LIPK: variants seen among roughly 807,000 people sequenced by gnomAD.
LIPK encodes lipase member K.
In LIPK, 32 loss-of-function variants were observed where a neutral mutation model predicts 48.6. The ratio of observed to expected loss-of-function variants is 0.66; its 90% confidence interval spans 0.50 to 0.88. The LOEUF is 0.88. LIPK is among the 40% of genes least tolerant of loss of function. The pLI is 0.00. For missense variants in LIPK, 507 were observed against 478.5 expected, an observed-to-expected ratio of 1.06 and a Z score of -0.56; for synonymous variants, 164 against 157.4, an observed-to-expected ratio of 1.04 and a Z score of -0.32.
At chr10:88,720,044 G>A (rs186714333) in intron 1 of LIPK, among the ~76,000 whole-genome samples, 73 of 152,288 alleles carry the variant, frequency 4.8e-4, no homozygotes, top group African/African-American at 1.6e-3. Flanking sequence ...ACTGACTGCA[G>A]TAGCTAGAGG....
intron 1 of LIPK, among the ~76,000 whole-genome samples, chr10:88,717,548 C>A (rs902807369): frequency 6.6e-6 from 1 of 152,134 alleles, no homozygotes; most frequent in African/African-American, 2.4e-5. Context: ...TTCTGTTTTT[C>A]GGACTCTTTT....
At chr10:88,742,573 A>T (rs752665501) in intron 8 of LIPK, among the ~76,000 whole-genome samples, 10 of 152,236 alleles carry the variant, frequency 6.6e-5, no homozygotes, top group Non-Finnish European at 1.3e-4. Context: ...TATATGCATG[A>T]CCTTATATTC....
At chr10:88,733,038 A>G (rs1842499802) in intron 6 of LIPK, among the ~76,000 whole-genome samples, 2 of 152,246 alleles carry the variant, frequency 1.3e-5, no homozygotes, top group Admixed American at 6.5e-5. Context: ...TACCCTGAGG[A>G]CTAAGTAAAT....
intron 9 of LIPK, among the ~76,000 whole-genome samples, chr10:88,749,777 T>TGCAAA (rs1554826601): frequency 2.6e-5 from 4 of 152,076 alleles, no homozygotes; most frequent in Admixed American, 6.5e-5. Flanking sequence ...ATGCCAAAAG[T>TGCAAA]AATTGCAACA....
chr10:88,725,239 CAA>C (rs1780636457), intron 2 of LIPK, among the ~76,000 whole-genome samples: 1 of 152,176 alleles, frequency 6.6e-6, no homozygotes, highest in South Asian at 2.1e-4. Context: ...ACGAAACTGC[CAA>C]AGTTTTTTTT....
At chr10:88,714,142 T>C (rs1842073830) in intron 1 of LIPK, among the ~76,000 whole-genome samples, 1 of 152,100 alleles carries the variant, frequency 6.6e-6, no homozygotes, top group East Asian at 1.9e-4. Flanking sequence ...GTATTCAATA[T>C]GTTAGCATTA....
Position 88,737,640 on chromosome 10 carries a change from G to A in LIPK, c.675G>A (p.Leu225=), listed in dbSNP as rs1590153381. Residue 225 remains leucine, a synonymous_variant, in exon 7 of 10, where the codon TTG becomes TTA. Transcript: ENST00000404190. ...TTLSRRVVKV[L]FGDKMFHPHT... ...TGTTTTAAATTATCTTGTAGGTGTT[G>A]TTTGGTGACAAAATGTTCCACCCTC... 1 of 1,613,290 alleles carries A rather than the reference G, an allele frequency of 6.2e-7. No individual in the cohort carries two copies. The highest frequency in any genetic ancestry group is 1.7e-5 in the Admixed American group (1 of 59,940).
chr10:88,728,590 TG>T, intron 3 of LIPK: 1 of 467,220 alleles, frequency 2.1e-6, no homozygotes, highest in South Asian at 1.6e-5. Context: ...CACCGGAACC[TG>T]GAGCTGATGA....
intron 6 of LIPK, among the ~76,000 whole-genome samples, chr10:88,736,843 T>C (rs905461347): frequency 2.0e-5 from 3 of 152,238 alleles, no homozygotes; most frequent in Non-Finnish European, 4.4e-5. Flanking sequence ...TTATTACTGT[T>C]CTTTAGTTGT....
chr10:88,752,475 T>C lies in LIPK; in HGVS notation c.961-42T>C, dbSNP rs1182324747. 3 of 1,404,230 alleles carry C rather than the reference T, an allele frequency of 2.1e-6. No homozygotes were observed. In the South Asian group the frequency reaches 3.7e-5, roughly 18 times the overall value. 87.0% of individuals were successfully genotyped at this position (1,404,230 alleles called of 1,614,324 possible). On this transcript the variant is annotated intron_variant, in intron 9 of 9. Coordinates refer to ENST00000404190, the MANE Select transcript of LIPK (RefSeq NM_001080518.2). Reference sequence around the variant, plus strand: ...AGTTAATGTTACTTCTATAATGTAATATTCTGTAAAAACTTTTCTCTCTCT... The same window carrying C: ...AGTTAATGTTACTTCTATAATGTAACATTCTGTAAAAACTTTTCTCTCTCT...
intron 1 of LIPK, among the ~76,000 whole-genome samples, chr10:88,708,194 A>C (rs980844910): frequency 2.6e-5 from 4 of 152,290 alleles, no homozygotes; most frequent in African/African-American, 9.6e-5. Context: ...CTAAGAAGAC[A>C]TCTAGGACAT....
chr10:88,745,824 CAA>C (rs1051684671), intron 9 of LIPK, among the ~76,000 whole-genome samples: 1 of 152,136 alleles, frequency 6.6e-6, no homozygotes, highest in African/African-American at 2.4e-5. Flanking sequence ...ACTTAAAATG[CAA>C]AGAGTTGCAA....
rs766522724 is a variant in LIPK at position 88,752,706 on chromosome 10, G to A, written c.1150G>A (p.Glu384Lys). ...TTACCTTGGAGAGGATGCACCTCAG[G>A]AAATTTACCAAGACCTAATTATATT... ...DFYLGEDAPQEIYQDLIILME... is the reference protein window; with the variant it reads ...DFYLGEDAPQKIYQDLIILME... The change falls in exon 10 of 10, where the codon GAA (glutamate) becomes AAA (lysine). Residue 384 changes from glutamate to lysine, a missense_variant. By Grantham distance (56) the Glu-to-Lys change is moderately conservative. Coordinates refer to ENST00000404190, the MANE Select transcript of LIPK (RefSeq NM_001080518.2). 6 of 1,570,790 alleles carry A rather than the reference G, an allele frequency of 3.8e-6. No homozygotes were observed. In the Admixed American group the frequency reaches 9.2e-5, roughly 24 times the overall value.
At chr10:88,735,851 T>G (rs1842561092) in intron 6 of LIPK, among the ~76,000 whole-genome samples, 1 of 152,220 alleles carries the variant, frequency 6.6e-6, no homozygotes, top group Non-Finnish European at 1.5e-5. Flanking sequence ...TATCCTCTCT[T>G]TTAGCTTAGG....
At chr10:88,751,713 G>A (rs545278407) in intron 9 of LIPK, among the ~76,000 whole-genome samples, 13 of 152,232 alleles carry the variant, frequency 8.5e-5, no homozygotes, top group African/African-American at 2.2e-4. Context: ...TTCAGAATAC[G>A]GTTGTCTCTT....
In LIPK at chr10:88,731,067, C is replaced by A; in HGVS notation, c.308C>A (p.Ala103Asp). Residue 103 changes from alanine (A) to aspartate (D), a missense_variant, in exon 4 of 10, where the codon GCT becomes GAT. Coordinates refer to ENST00000404190, the MANE Select transcript of LIPK (RefSeq NM_001080518.2). ...WICNLPNNSL[A>D]FLLADSGYDV... ...TGCAACCTGCCCAACAACAGTTTGG[C>A]TTTCCTTCTGGCAGATAGTGGTTAT... The A allele has an allele frequency of 6.2e-7, 1 of 1,604,022 alleles. No homozygotes were observed. The highest frequency in any genetic ancestry group is 8.5e-7 in the Non-Finnish European group (1 of 1,175,022).
chr10:88,706,581 G>A (rs921957910), intron 1 of LIPK, among the ~76,000 whole-genome samples: 9 of 152,038 alleles, frequency 5.9e-5, no homozygotes, highest in Non-Finnish European at 1.2e-4. Context: ...AGTGAGAGGA[G>A]GTATCACAAG....
rs556190918 is a variant in LIPK, at chr10:88,752,572, A to G, written c.1016A>G (p.Asn339Ser). The G allele has an allele frequency of 4.5e-6, 7 of 1,571,148 alleles. No individual in the cohort carries two copies. The highest frequency in any genetic ancestry group is 2.3e-5 in the East Asian group (1 of 43,406). The stretch of plus-strand genomic sequence containing the variant: ...ATGGAAGTTCCAACAGCAATATGGA[A>G]TGGTGGACAGGACATTGTGGCTGAT... ...TKMEVPTAIW[N>S]GGQDIVADPK... Residue 339 changes from asparagine (N) to serine (S), a missense_variant, in exon 10 of 10, where the codon AAT (asparagine) becomes AGT (serine). Physicochemically the swap from Asn to Ser is conservative, Grantham distance 46 (BLOSUM62 1). Coordinates refer to ENST00000404190, the MANE Select transcript of LIPK (RefSeq NM_001080518.2).
rs1212725895 is a variant in LIPK, at chr10:88,752,547, A to T, written c.991A>T (p.Met331Leu). ...ACCTCCTTTATACAACATTACTAAG[A>T]TGGAAGTTCCAACAGCAATATGGAA... is the stretch of plus-strand genomic sequence containing the variant. ...LTPPLYNITK[M>L]EVPTAIWNGG... The change falls in exon 10 of 10, where the codon ATG (methionine) becomes TTG (leucine). Residue 331 changes from methionine to leucine, a missense_variant. By Grantham distance (15) the Met-to-Leu change is conservative (BLOSUM62 2). Transcript: ENST00000404190. 5 of 1,560,508 alleles carry T rather than the reference A, an allele frequency of 3.2e-6. No homozygotes were observed. Among genetic ancestry groups the T allele is most frequent in the Non-Finnish European group, 4.4e-6 (5 of 1,148,482 alleles).
Sources: gnomAD v4.1 joint callset for allele counts (sites outside exome capture counted in the v4.1 genomes callset) on GRCh38, gnomAD v4.1.1 for gene constraint, MANE v1.5 for transcripts, NCBI Gene and HGNC (gene_info 2026-07-23, HGNC 2026-07-21) for gene names.